The following HECW2 variants were observed in gnomAD, a reference collection of about 807,000 sequenced individuals.
The protein encoded by HECW2 is HECT, C2 and WW domain containing E3 ubiquitin protein ligase 2.
Under a neutral mutation model 175.2 loss-of-function variants are expected in HECW2, and 61 were observed. The ratio of observed to expected loss-of-function variants is 0.35; its 90% confidence interval spans 0.28 to 0.43. The LOEUF (loss-of-function observed/expected upper bound fraction) is 0.43, where lower values mean the gene tolerates loss of function less well. Ranked by LOEUF, HECW2 falls within the 20% of genes least tolerant of loss-of-function variation. The pLI, the probability that HECW2 is intolerant of heterozygous loss-of-function variation, is 1.00. For synonymous variants in HECW2, 671 were observed against 731.0 expected, an observed-to-expected ratio of 0.92 and a Z score of 1.32; for missense variants, 1,524 against 2,000.5, an observed-to-expected ratio of 0.76 and a Z score of 4.54.
At chr2:196,336,894 G>A (rs1692568373) in intron 3 of HECW2, among the ~76,000 whole-genome samples, 1 of 151,252 alleles carries the variant, frequency 6.6e-6, no homozygotes, top group Non-Finnish European at 1.5e-5. Flanking sequence ...AAGCTGAGGG[G>A]ATTTCCACAG....
chr2:196,527,589 A>G (rs1379505767), intron 1 of HECW2, among the ~76,000 whole-genome samples: 2 of 152,262 alleles, frequency 1.3e-5, no homozygotes, highest in African/African-American at 4.8e-5. Flanking sequence ...TTAAGGGCAA[A>G]CCACAAGAAA....
At chr2:196,542,396 T>C (rs1034390062) in intron 1 of HECW2, among the ~76,000 whole-genome samples, 6 of 151,802 alleles carry the variant, frequency 4.0e-5, no homozygotes, top group Non-Finnish European at 8.8e-5. Context: ...GAAAACCGAA[T>C]GACATGAAAA....
chr2:196,359,033 G>C (rs1283180136), intron 2 of HECW2, among the ~76,000 whole-genome samples: 6 of 152,118 alleles, frequency 3.9e-5, no homozygotes, highest in Admixed American at 3.9e-4. Flanking sequence ...AATGAAACCA[G>C]GACCTTGAAT....
chr2:196,429,045 T>C (rs1382962028), intron 2 of HECW2, among the ~76,000 whole-genome samples: 1 of 152,204 alleles, frequency 6.6e-6, no homozygotes, highest in African/African-American at 2.4e-5. Flanking sequence ...AGAAATCGTG[T>C]CTTTTCACCA....
intron 23 of HECW2, among the ~76,000 whole-genome samples, chr2:196,223,811 T>C (rs897263609): frequency 2.0e-5 from 3 of 152,052 alleles, no homozygotes; most frequent in African/African-American, 7.2e-5. Context: ...ATGGCCAAAA[T>C]AAGATAAGGG....
rs140037349 is a variant in HECW2 at position 196,481,006 on chromosome 2, C to A, written c.-35-47548G>T. 3.1e-3 allele frequency among the ~76,000 whole-genome samples: 472 copies of A among 152,296 alleles called. 3 individuals carry two copies. Among genetic ancestry groups the A allele is most frequent in the Middle Eastern group, 6.8e-3 (2 of 294 alleles). ...GAGGAAAAAGAGGAGTTAATTTTAGCCCTTTGCAGTCTCTTTAGTCATCAC... is the reference window on the plus strand; with the variant it reads ...GAGGAAAAAGAGGAGTTAATTTTAGACCTTTGCAGTCTCTTTAGTCATCAC... On this transcript the variant is annotated intron_variant, in intron 1 of 28. Transcript: ENST00000644978.
At position 196,222,304 on chromosome 2, in the gene HECW2, T is replaced by TGA; in HGVS notation, c.4052_4053insTC (p.Glu1351AspfsTer11). 1 of 1,613,736 alleles carries TGA rather than the reference T, an allele frequency of 6.2e-7. No homozygotes were observed. The highest frequency in any genetic ancestry group is 8.5e-7 in the Non-Finnish European group (1 of 1,179,744). ...TCCACTGCAGGCTCTGATGGAACTCTTCATCAAGGTATTCTAGGTCACTCA... is the reference window on the plus strand; with the variant it reads ...TCCACTGCAGGCTCTGATGGAACTCTGATCATCAAGGTATTCTAGGTCACTCA... On this transcript the variant is annotated frameshift_variant, in exon 24 of 29. Coordinates refer to ENST00000644978, the MANE Select transcript of HECW2 (RefSeq NM_001348768.2). LOFTEE classifies it high-confidence loss of function.
At chr2:196,422,826 C>T (rs1396418619) in intron 2 of HECW2, among the ~76,000 whole-genome samples, 2 of 152,062 alleles carry the variant, frequency 1.3e-5, no homozygotes, top group Non-Finnish European at 2.9e-5. Flanking sequence ...TAGGATCGGG[C>T]ACTCTTAACT....
At chr2:196,438,850 T>A (rs925589936) in intron 1 of HECW2, among the ~76,000 whole-genome samples, 1 of 152,188 alleles carries the variant, frequency 6.6e-6, no homozygotes, top group Non-Finnish European at 1.5e-5. Flanking sequence ...TATAACTCTT[T>A]TTGCTTCTTT....
intron 1 of HECW2, among the ~76,000 whole-genome samples, chr2:196,461,351 C>G (rs971415347): frequency 1.3e-5 from 2 of 152,192 alleles, no homozygotes; most frequent in African/African-American, 4.8e-5. Flanking sequence ...AAATTTAAGA[C>G]AGCCAATACT....
rs7592558 is a variant in HECW2, at chr2:196,209,857, G to A, written c.4607+6008C>T. 8.9e-3 allele frequency among the ~76,000 whole-genome samples: 1,338 copies of A among 151,044 alleles called. 28 individuals are homozygous for A. Among genetic ancestry groups the A allele is most frequent in the African/African-American group, 0.03 (1,250 of 41,030 alleles). ...CGGCTCACTGCAAGCTCCGCCTCCC[G>A]GGCTCCCGCCATTCTCCTGCCTCTG... On this transcript the variant is annotated intron_variant, in intron 28 of 28. Transcript: ENST00000644978.
chr2:196,570,084 G>A (rs1286974764), intron 1 of HECW2, among the ~76,000 whole-genome samples: 1 of 152,160 alleles, frequency 6.6e-6, no homozygotes. Flanking sequence ...TTCAGAAGGC[G>A]GCACTGGCAC....
intron 19 of HECW2, among the ~76,000 whole-genome samples, chr2:196,245,192 TAAC>T (rs1229280534): frequency 6.6e-6 from 1 of 152,188 alleles, no homozygotes; most frequent in African/African-American, 2.4e-5. Flanking sequence ...ATTTAAACAA[TAAC>T]AACAGGTCTT....
intron 24 of HECW2, among the ~76,000 whole-genome samples, 178 bp from the exon 25 acceptor site, chr2:196,221,119 G>A (rs1188386768): frequency 6.6e-6 from 1 of 152,138 alleles, no homozygotes; most frequent in African/African-American, 2.4e-5. Flanking sequence ...GGAAAAAATA[G>A]GCATTGAGGG....
intron 13 of HECW2, among the ~76,000 whole-genome samples, chr2:196,305,363 G>C (rs1231188618): frequency 6.6e-6 from 1 of 152,150 alleles, no homozygotes; most frequent in African/African-American, 2.4e-5. Flanking sequence ...TGTAAACCAG[G>C]AGACAATGAT....
rs531920307 is a variant in HECW2 at position 196,278,133 on chromosome 2, A to AAAAAAAAATATATATAT, written c.3135+394_3135+395insATATATATATTTTTTTT. Among the ~76,000 whole-genome samples, 6 of 66,552 alleles carry AAAAAAAAATATATATAT rather than the reference A, an allele frequency of 9.0e-5. 1 individual carries two copies. The South Asian group carries it at 2.6e-3, about 28-fold the overall frequency. 43.7% of individuals were successfully genotyped at this position (66,552 alleles called of 152,430 possible). On this transcript the variant is annotated intron_variant, in intron 15 of 28. Transcript: ENST00000644978. Reference sequence around the variant, plus strand: ...CCTAGAACTTAAAGTATAATTAAAAAATATATATATATATATATAAAGAAA... The same window carrying AAAAAAAAATATATATAT: ...CCTAGAACTTAAAGTATAATTAAAAAAAAAAAAATATATATATATATATATATATATATATAAAGAAA...
chr2:196,326,250 A>G (rs528112869), intron 5 of HECW2, among the ~76,000 whole-genome samples: 19 of 152,294 alleles, frequency 1.2e-4, no homozygotes, highest in Admixed American at 2.6e-4. Context: ...TTAGAAAAAT[A>G]GAATTGGCCT....
At chr2:196,352,894 G>T (rs181931121) in intron 2 of HECW2, among the ~76,000 whole-genome samples, 3 of 152,160 alleles carry the variant, frequency 2.0e-5, no homozygotes, top group African/African-American at 4.8e-5. Context: ...AGATAATAAG[G>T]AGCAGTTCAG....
At chr2:196,299,695 C>T (rs944576652) in intron 13 of HECW2, among the ~76,000 whole-genome samples, 2 of 152,122 alleles carry the variant, frequency 1.3e-5, no homozygotes, top group Non-Finnish European at 2.9e-5. Context: ...TTTGGGAGGC[C>T]GAGGTCGGCG....
Sources: allele counts gnomAD v4.1 joint callset (sites outside exome capture counted in the v4.1 genomes callset), GRCh38; gene constraint gnomAD v4.1.1; transcripts MANE v1.5; gene names NCBI Gene and HGNC (gene_info 2026-07-23, HGNC 2026-07-21).